The following DMD variants were observed in gnomAD, a reference collection of about 807,000 sequenced individuals.
The protein encoded by DMD is mutant dystrophin.
DMD carries 63 observed loss-of-function variants against 330.1 expected under a neutral mutation model. The ratio of observed to expected loss-of-function variants is 0.19; its 90% CI spans 0.16 to 0.24. The LOEUF (loss-of-function observed/expected upper bound fraction) is 0.24. Ranked by LOEUF, DMD falls within the 10% of genes least tolerant of loss-of-function variation. The pLI, the probability that DMD is intolerant of heterozygous loss-of-function variation, is 1.00. For synonymous variants in DMD, 1,223 were observed against 959.8 expected (o/e 1.27, Z -5.07); for missense variants, 3,344 against 2,684.1 (o/e 1.25, Z -5.43).
At chrX:31,376,011 A>T (rs750040408) in intron 60 of DMD, among the ~76,000 whole-genome samples, 69 of 111,445 alleles carry the variant, frequency 6.2e-4, no homozygotes, top group African/African-American at 2.1e-3. Context: ...ACATGATTGA[A>T]GCTCCCTGCC....
chrX:32,565,932 C>T (rs776743562), intron 15 of DMD, 51 bp from the exon 16 acceptor site: 1 of 1,062,607 alleles, frequency 9.4e-7, no homozygotes, highest in East Asian at 3.1e-5. Context: ...ATTCCATACA[C>T]CACTATAGTT....
intron 55 of DMD, among the ~76,000 whole-genome samples, chrX:31,549,713 G>A (rs778835165): frequency 3.6e-5 from 4 of 112,215 alleles, no homozygotes; most frequent in Admixed American, 2.8e-4. Flanking sequence ...AAGCTAAAAC[G>A]CATGATTTTA....
chrX:33,009,323 T>TATATACACAC (rs1491354787), intron 2 of DMD, among the ~76,000 whole-genome samples: 1 of 62,313 alleles, frequency 1.6e-5, no homozygotes, highest in Non-Finnish European at 3.1e-5. Flanking sequence ...TGTATATGTG[T>TATATACACAC]ATATGTGTAT....
At chrX:32,810,679 A>G (rs2077304509) in intron 6 of DMD, among the ~76,000 whole-genome samples, 1 of 111,957 alleles carries the variant, frequency 8.9e-6, no homozygotes, top group African/African-American at 3.2e-5. Flanking sequence ...AATTATCACA[A>G]TAGCCTCATA....
intron 52 of DMD, among the ~76,000 whole-genome samples, chrX:31,694,128 C>T (rs2083292772): frequency 9.0e-6 from 1 of 111,024 alleles, no homozygotes; most frequent in Admixed American, 9.6e-5. Context: ...TGATTTTTGA[C>T]AAAGGTAGCA....
intron 45 of DMD, among the ~76,000 whole-genome samples, chrX:31,962,040 G>A (rs1202252541): frequency 3.6e-5 from 4 of 110,900 alleles, no homozygotes; most frequent in Admixed American, 2.9e-4. Context: ...TAAGGACTCC[G>A]GAGGCAGACT....
At chrX:31,525,814 A>C (rs1362005821) in intron 55 of DMD, among the ~76,000 whole-genome samples, 1 of 112,652 alleles carries the variant, frequency 8.9e-6, no homozygotes, top group African/African-American at 3.2e-5. Context: ...AGTTAATGGA[A>C]AGTTTGACTT....
At chrX:31,294,181 C>G (rs1358215386) in intron 62 of DMD, among the ~76,000 whole-genome samples, 1 of 111,809 alleles carries the variant, frequency 8.9e-6, no homozygotes, top group East Asian at 2.8e-4. Flanking sequence ...ACAGCTTAGA[C>G]AAAAGCAACT....
At position 32,823,311 on chromosome X, in the gene DMD, A is replaced by G; in HGVS notation, c.341T>C (p.Ile114Thr). 8.3e-7 allele frequency: 1 copy of G among 1,206,411 alleles called. No individual in the cohort carries two copies. The highest frequency in any genetic ancestry group is 1.1e-6 in the Non-Finnish European group (1 of 890,803). Residue 114 changes from isoleucine to threonine, a missense_variant, in exon 5 of 79, where the codon ATA (isoleucine) becomes ACA (threonine). By Grantham distance (89) the Ile-to-Thr change is moderately conservative. Transcript: ENST00000357033. ...GATTCTTACCTGCCAGTGGAGGATT[A>G]TATTCCAAATCAAACCAAGAGTCAG... ...HKLTLGLIWN[I>T]ILHWQVKNVM... is the part of the protein sequence containing the mutation.
chrX:32,875,841 T>C (rs998346347), intron 2 of DMD, among the ~76,000 whole-genome samples: 1 of 112,092 alleles, frequency 8.9e-6, no homozygotes, highest in African/African-American at 3.2e-5. Context: ...GGCTTCTCTA[T>C]ATCTGCACGT....
chrX:31,994,358 G>A (rs773317755), intron 44 of DMD, among the ~76,000 whole-genome samples: 1 of 111,745 alleles, frequency 8.9e-6, no homozygotes, highest in Non-Finnish European at 1.9e-5. Flanking sequence ...CAATGACTAC[G>A]AATGAGCTAA....
rs943138567 is a variant in DMD at position 32,001,083 on chromosome X, A to G, written c.6439-32569T>C. Among the ~76,000 whole-genome samples, 4 of 111,382 alleles carry G rather than the reference A, an allele frequency of 3.6e-5. No homozygotes were observed. In the Admixed American group the frequency reaches 3.8e-4, roughly 11 times the overall value. On this transcript the variant is annotated intron_variant, in intron 44 of 78. Transcript: ENST00000357033. ...TTTCAGATTAAAAGTGCTTTTACCT[A>G]TCAGTGGTTTCCAGGGGCTGGGGTG...
At chrX:32,741,017 G>T (rs749907322) in intron 7 of DMD, among the ~76,000 whole-genome samples, 4 of 111,657 alleles carry the variant, frequency 3.6e-5, no homozygotes, top group African/African-American at 1.3e-4. Flanking sequence ...GAAGGTGTGT[G>T]TGTACGTTTG....
chrX:31,209,938 G>C (rs1003343035), intron 64 of DMD, among the ~76,000 whole-genome samples: 3 of 111,484 alleles, frequency 2.7e-5, no homozygotes, highest in African/African-American at 9.8e-5. Flanking sequence ...GTGAAGATAT[G>C]GGCAAAGATA....
At chrX:32,423,064 T>C (rs7053451) in intron 29 of DMD, among the ~76,000 whole-genome samples, 29,765 of 110,076 alleles carry the variant, frequency 0.27, 4,574 homozygotes, top group African/African-American at 0.59. Flanking sequence ...AAAAGGTACA[T>C]TGATAAACTT....
chrX:32,550,319 T>C (rs1208557747), intron 16 of DMD, among the ~76,000 whole-genome samples: 1 of 111,398 alleles, frequency 9.0e-6, no homozygotes, highest in African/African-American at 3.3e-5. Context: ...AAAATAGAAA[T>C]CAATGTTAAG....
chrX:31,706,791 C>T (rs548335907), intron 52 of DMD, among the ~76,000 whole-genome samples: 10 of 112,490 alleles, frequency 8.9e-5, no homozygotes, highest in Admixed American at 7.6e-4. Context: ...AAGAGTTGTG[C>T]TGTGAAGCAG....
At chrX:33,074,786 A>ATGGTCT (rs2094813947) in intron 1 of DMD, among the ~76,000 whole-genome samples, 1 of 111,082 alleles carries the variant, frequency 9.0e-6, no homozygotes, top group Admixed American at 9.7e-5. Flanking sequence ...ACTTCTTGAA[A>ATGGTCT]TGGTCTTTGC....
intron 41 of DMD, among the ~76,000 whole-genome samples, chrX:32,326,638 C>T (rs1371411597): frequency 1.8e-5 from 2 of 112,070 alleles, no homozygotes; most frequent in Non-Finnish European, 3.8e-5. Flanking sequence ...GGCGCCATGG[C>T]TCACACCAGT....
Sources: gnomAD v4.1 joint callset for allele counts (sites outside exome capture counted in the v4.1 genomes callset) on GRCh38, gnomAD v4.1.1 for gene constraint, MANE v1.5 for transcripts, NCBI Gene and HGNC (gene_info 2026-07-23, HGNC 2026-07-21) for gene names.